The following DLC1 variants were observed in gnomAD, a reference collection of about 807,000 sequenced individuals.
DLC1 encodes the protein rho GTPase-activating protein 7.
Under a neutral mutation model 140.3 loss-of-function variants are expected in DLC1, and 54 were observed. The ratio of observed to expected loss-of-function variants is 0.38; its 90% CI spans 0.31 to 0.48. The LOEUF is 0.48. DLC1 is among the 20% of genes least tolerant of loss of function. The pLI, the probability that DLC1 is intolerant of heterozygous loss-of-function variation, is 0.96. For synonymous variants in DLC1, 986 were observed against 728.1 expected, an observed-to-expected ratio of 1.35 and a Z score of -5.70; for missense variants, 2,536 against 1,907.0, an observed-to-expected ratio of 1.33 and a Z score of -6.14.
chr8:13,579,370 T>A lies in DLC1; in HGVS notation c.-126+25167A>T, dbSNP rs867579078. On this transcript the variant is annotated intron_variant, in intron 1 of 1. Coordinates refer to the DLC1 transcript ENST00000631382. The stretch of plus-strand genomic sequence containing the variant: ...ATATATATATATATATATTTTTATA[T>A]AATACATATTTATATATTATATATT... 6.6e-3 allele frequency among the ~76,000 whole-genome samples: 283 copies of A among 42,900 alleles called. 52 individuals are homozygous for A. The highest frequency in any genetic ancestry group is 0.031 in the Middle Eastern group (2 of 64). 28.1% of individuals were successfully genotyped at this position (42,900 alleles called of 152,430 possible).
At chr8:13,148,602 G>A (rs1358449513) in intron 5 of DLC1, among the ~76,000 whole-genome samples, 1 of 152,062 alleles carries the variant, frequency 6.6e-6, no homozygotes, top group African/African-American at 2.4e-5. Context: ...TACACAAATG[G>A]GACACAGGCA....
At position 13,216,119 on chromosome 8, in the gene DLC1, C is replaced by T. The variant is rs183525171; in HGVS notation, c.1348+89150G>A. Among the ~76,000 whole-genome samples the T allele has an allele frequency of 4.6e-5, 7 of 152,250 alleles. No individual in the cohort carries two copies. The East Asian group carries it at 1.2e-3, about 25-fold the overall frequency. On this transcript the variant is annotated intron_variant, in intron 5 of 17. Coordinates refer to ENST00000276297, the MANE Select transcript of DLC1 (RefSeq NM_182643.3). ...CCTGTTCCAGATGGTCTCATCAGAC[C>T]CAGTTTCCTCTCCTTGCCAGCCTTC...
intron 5 of DLC1, among the ~76,000 whole-genome samples, chr8:13,188,380 A>G (rs1826509436): frequency 1.5e-5 from 2 of 129,678 alleles, no homozygotes; most frequent in Non-Finnish European, 3.1e-5. Context: ...TGATTGTGCC[A>G]CTGCACTCCA....
At chr8:13,535,657 A>G (rs1217396468) in intron 1 of DLC1, among the ~76,000 whole-genome samples, 3 of 125,522 alleles carry the variant, frequency 2.4e-5, no homozygotes, top group African/African-American at 9.3e-5. Context: ...GGGCGTGGGG[A>G]TCATTGCTCA....
intron 5 of DLC1, among the ~76,000 whole-genome samples, chr8:13,304,099 C>T (rs1473449113): frequency 2.6e-5 from 4 of 152,124 alleles, no homozygotes; most frequent in Non-Finnish European, 5.9e-5. Flanking sequence ...ATGGGGACAG[C>T]TATGTAAGAT....
intron 5 of DLC1, among the ~76,000 whole-genome samples, chr8:13,243,609 A>G (rs919598779): frequency 6.6e-6 from 1 of 152,122 alleles, no homozygotes; most frequent in Non-Finnish European, 1.5e-5. Flanking sequence ...AACAGAGCAT[A>G]TTTTCTTCTT....
At chr8:13,300,256 G>C (rs1394116707) in intron 5 of DLC1, among the ~76,000 whole-genome samples, 1 of 152,110 alleles carries the variant, frequency 6.6e-6, no homozygotes, top group Non-Finnish European at 1.5e-5. Context: ...CACAGGGAGG[G>C]AACAACAGTC....
intron 1 of DLC1, among the ~76,000 whole-genome samples, chr8:13,533,644 C>T (rs1364878939): frequency 6.6e-6 from 1 of 152,080 alleles, no homozygotes; most frequent in Admixed American, 6.6e-5. Context: ...CATTTATTTC[C>T]AAACAAGATG....
chr8:13,297,628 G>A (rs1346651843), intron 5 of DLC1, among the ~76,000 whole-genome samples: 2 of 152,158 alleles, frequency 1.3e-5, no homozygotes, highest in Non-Finnish European at 2.9e-5. Flanking sequence ...TCACAGCCTA[G>A]TGGGAGAGAC....
intron 2 of DLC1, among the ~76,000 whole-genome samples, chr8:13,480,058 C>A (rs1037147037): frequency 6.6e-6 from 1 of 152,042 alleles, no homozygotes; most frequent in African/African-American, 2.4e-5. Flanking sequence ...CAGAACAAAA[C>A]CCTGTCTCAA....
At chr8:13,267,337 A>G (rs949887985) in intron 5 of DLC1, among the ~76,000 whole-genome samples, 6 of 151,410 alleles carry the variant, frequency 4.0e-5, no homozygotes, top group African/African-American at 1.5e-4. Flanking sequence ...TTTTTCTGCC[A>G]GATGTTTATG....
At chr8:13,324,089 A>AT (rs940910181) in intron 4 of DLC1, among the ~76,000 whole-genome samples, 2 of 152,028 alleles carry the variant, frequency 1.3e-5, no homozygotes, top group South Asian at 2.1e-4. Context: ...AATCCGACTG[A>AT]TTTTTTTTGA....
intron 2 of DLC1, among the ~76,000 whole-genome samples, chr8:13,495,837 A>G (rs116196943): frequency 0.011 from 1,730 of 152,316 alleles, 33 homozygotes; most frequent in African/African-American, 0.04. Context: ...ATTTCAATAC[A>G]TTTTGAAGAT....
At chr8:13,331,272 G>A (rs1049434518) in intron 4 of DLC1, among the ~76,000 whole-genome samples, 5 of 152,304 alleles carry the variant, frequency 3.3e-5, no homozygotes, top group Admixed American at 6.5e-5. Flanking sequence ...ATGATTGATA[G>A]GAGTAAACCT....
intron 1 of DLC1, among the ~76,000 whole-genome samples, chr8:13,569,070 A>T (rs1001579133): frequency 4.6e-5 from 7 of 152,224 alleles, no homozygotes; most frequent in Non-Finnish European, 1.0e-4. Context: ...AAATTTATGT[A>T]ATGAGGAAAC....
intron 4 of DLC1, among the ~76,000 whole-genome samples, chr8:13,318,529 C>T (rs538683771): frequency 1.3e-5 from 2 of 152,170 alleles, no homozygotes; most frequent in African/African-American, 4.8e-5. Context: ...TATCCAGCCT[C>T]TTTAGGACTC....
At chr8:13,417,596 A>G (rs1163806837) in intron 2 of DLC1, among the ~76,000 whole-genome samples, 1 of 151,818 alleles carries the variant, frequency 6.6e-6, no homozygotes, top group African/African-American at 2.4e-5. Context: ...ACATTTTCTT[A>G]ATCCAGTCTA....
At chr8:13,369,802 C>T (rs540668411) in intron 4 of DLC1, among the ~76,000 whole-genome samples, 1 of 151,850 alleles carries the variant, frequency 6.6e-6, no homozygotes, top group African/African-American at 2.4e-5. Flanking sequence ...TCTCAACACA[C>T]AGCCAAAGTG....
chr8:13,602,343 AG>A (rs980830903), intron 1 of DLC1, among the ~76,000 whole-genome samples: 31 of 151,844 alleles, frequency 2.0e-4, no homozygotes, highest in African/African-American at 7.2e-4. Flanking sequence ...ATACCAAAAA[AG>A]ACACATAGGA....
Sources: gnomAD v4.1 joint callset for allele counts (sites outside exome capture counted in the v4.1 genomes callset) on GRCh38, gnomAD v4.1.1 for gene constraint, MANE v1.5 for transcripts, NCBI Gene and HGNC (gene_info 2026-07-23, HGNC 2026-07-21) for gene names.